The following AFG2A variants were observed in gnomAD, a reference collection of about 807,000 sequenced individuals.
AFG2A encodes the protein AAA ATPase AFG2A, also known as ATPase family gene 2 protein homolog A.
chr4:122,971,803 A>T, the AFG2A span, among the ~76,000 whole-genome samples: 1 of 152,132 alleles, frequency 6.6e-6, no homozygotes, highest in African/African-American at 2.4e-5. Flanking sequence ...TCTTTATTCT[A>T]TTAATGGGAA....
the AFG2A span, among the ~76,000 whole-genome samples, chr4:123,075,685 T>C: frequency 2.0e-5 from 3 of 149,840 alleles, no homozygotes; most frequent in African/African-American, 7.4e-5. Flanking sequence ...TGGCCGGGCA[T>C]GGTGGCTCAC....
chr4:123,281,812 A>G, the AFG2A span, among the ~76,000 whole-genome samples: 1 of 152,170 alleles, frequency 6.6e-6, no homozygotes, highest in South Asian at 2.1e-4. Context: ...CCTTAAATAT[A>G]TATGACTAAA....
the AFG2A span, among the ~76,000 whole-genome samples, chr4:123,263,610 A>T: frequency 6.6e-6 from 1 of 152,210 alleles, no homozygotes; most frequent in Non-Finnish European, 1.5e-5. Flanking sequence ...AACATATGAA[A>T]AAATAGCATC....
chr4:123,313,468 G>C, the AFG2A span, among the ~76,000 whole-genome samples: 1 of 152,228 alleles, frequency 6.6e-6, no homozygotes, highest in Admixed American at 6.5e-5. Flanking sequence ...GCCTCACTCT[G>C]TATCAGAATA....
At chr4:123,089,089 A>C in the AFG2A span, among the ~76,000 whole-genome samples, 1 of 152,314 alleles carries the variant, frequency 6.6e-6, no homozygotes, top group South Asian at 2.1e-4. Context: ...GACCATGTTA[A>C]ATTAATAAAT....
chr4:122,990,442 G>A, the AFG2A span, among the ~76,000 whole-genome samples: 13 of 152,052 alleles, frequency 8.5e-5, no homozygotes, highest in South Asian at 2.1e-4. Flanking sequence ...GTGTATAGGC[G>A]TTTCAGTATC....
the AFG2A span, among the ~76,000 whole-genome samples, chr4:123,311,927 G>A: frequency 2.6e-5 from 4 of 152,278 alleles, no homozygotes; most frequent in South Asian, 6.2e-4. Context: ...ATGTGCCAGC[G>A]GGGCAAACCG....
chr4:123,083,512 C>T, the AFG2A span, among the ~76,000 whole-genome samples: 1 of 149,732 alleles, frequency 6.7e-6, no homozygotes, highest in Non-Finnish European at 1.5e-5. Context: ...TTAAACTAGC[C>T]TTGGGTACTT....
chr4:123,129,576 C>T, the AFG2A span, among the ~76,000 whole-genome samples: 1 of 152,208 alleles, frequency 6.6e-6, no homozygotes, highest in African/African-American at 2.4e-5. Flanking sequence ...CCACTCCTTC[C>T]TCTTTGAAAC....
the AFG2A span, among the ~76,000 whole-genome samples, chr4:123,021,588 T>G: frequency 6.6e-6 from 1 of 152,204 alleles, no homozygotes; most frequent in Non-Finnish European, 1.5e-5. Flanking sequence ...CCATAATAAA[T>G]AAAAGCTCTC....
the AFG2A span, among the ~76,000 whole-genome samples, chr4:123,225,893 G>C: frequency 2.0e-5 from 3 of 152,182 alleles, no homozygotes; most frequent in African/African-American, 4.8e-5. Context: ...TCATTGAGCA[G>C]TGGTTTGTAG....
the AFG2A span, among the ~76,000 whole-genome samples, chr4:123,201,040 C>T: frequency 1.3e-5 from 2 of 152,198 alleles, no homozygotes; most frequent in African/African-American, 4.8e-5. Context: ...GAAACAAAAA[C>T]ATTAAAGTTT....
chr4:123,075,923 C>T, the AFG2A span, among the ~76,000 whole-genome samples: 1 of 149,990 alleles, frequency 6.7e-6, no homozygotes, highest in Non-Finnish European at 1.5e-5. Context: ...TGCCATTGCA[C>T]TCCAGCCTGG....
chr4:123,199,102 A>G, the AFG2A span, among the ~76,000 whole-genome samples: 1 of 151,964 alleles, frequency 6.6e-6, no homozygotes, highest in Non-Finnish European at 1.5e-5. Flanking sequence ...TTCATACTTA[A>G]CCTCTTTGGA....
the AFG2A span, among the ~76,000 whole-genome samples, chr4:123,104,163 C>G: frequency 6.6e-6 from 1 of 152,144 alleles, no homozygotes; most frequent in African/African-American, 2.4e-5. Context: ...ATTTTTCCAA[C>G]AGCATATTCT....
At chr4:123,189,293 T>A in the AFG2A span, among the ~76,000 whole-genome samples, 1 of 152,194 alleles carries the variant, frequency 6.6e-6, no homozygotes, top group Admixed American at 6.5e-5. Context: ...TATGTTTTGT[T>A]CATTCTTTAT....
the AFG2A span, among the ~76,000 whole-genome samples, chr4:123,290,739 T>A: frequency 6.6e-6 from 1 of 152,134 alleles, no homozygotes; most frequent in African/African-American, 2.4e-5. Context: ...TCATTCACTA[T>A]CACAAGAACA....
chr4:123,082,188 C>A, the AFG2A span, among the ~76,000 whole-genome samples: 1 of 152,080 alleles, frequency 6.6e-6, no homozygotes, highest in Non-Finnish European at 1.5e-5. Context: ...GCCATTGTAC[C>A]TAAATAGTCA....
At chr4:123,149,428 CTA>C in the AFG2A span, among the ~76,000 whole-genome samples, 27 of 152,110 alleles carry the variant, frequency 1.8e-4, no homozygotes, top group African/African-American at 6.3e-4. Context: ...GTTTAGCTGT[CTA>C]TAATAAAACA....
Sources: allele counts gnomAD v4.1 joint callset (sites outside exome capture counted in the v4.1 genomes callset), GRCh38; gene constraint gnomAD v4.1.1; transcripts MANE v1.5; gene names NCBI Gene and HGNC (gene_info 2026-07-23, HGNC 2026-07-21).